Variants in PTK2B observed in about 807,000 individuals in gnomAD.
PTK2B encodes protein tyrosine kinase 2 beta.
In PTK2B, 71 loss-of-function variants were observed where a neutral mutation model predicts 142.9. The observed-to-expected ratio is 0.50, with a 90% CI of 0.41 to 0.61. The LOEUF (loss-of-function observed/expected upper bound fraction) is 0.61, where lower values mean the gene tolerates loss of function less well. Among genes scored for constraint, PTK2B ranks in the 20% least tolerant of loss-of-function variants. The pLI, the probability that PTK2B is intolerant of heterozygous loss-of-function variation, is 0.00. For missense variants in PTK2B, 1,105 were observed against 1,320.4 expected, an observed-to-expected ratio of 0.84 and a Z score of 2.53; for synonymous variants, 519 against 503.4, an observed-to-expected ratio of 1.03 and a Z score of -0.42.
chr8:27,313,126 TAGTG>T (rs1212711757), intron 2 of PTK2B: 3 of 152,240 alleles, frequency 2.0e-5, no homozygotes, highest in African/African-American at 4.8e-5. Context: ...GTTCTCCTGA[TAGTG>T]AGTGAGTTCT....
At chr8:27,326,298 C>T (rs1051135535) in intron 1 of PTK2B, among the ~76,000 whole-genome samples, 1 of 151,816 alleles carries the variant, frequency 6.6e-6, no homozygotes, top group Non-Finnish European at 1.5e-5. Context: ...TGAGAAGCCG[C>T]CTCCTGAGTG....
intron 2 of PTK2B, among the ~76,000 whole-genome samples, chr8:27,407,444 G>A (rs1034392050): frequency 1.9e-4 from 29 of 152,190 alleles, no homozygotes; most frequent in African/African-American, 7.0e-4. Flanking sequence ...CGGATCAGCC[G>A]TGGTCATGAC....
At chr8:27,447,441 A>G (rs1039442962) in intron 24 of PTK2B, among the ~76,000 whole-genome samples, 1 of 152,258 alleles carries the variant, frequency 6.6e-6, no homozygotes, top group Admixed American at 6.5e-5. Context: ...GTGTTCCCAG[A>G]AAAACAGTTT....
At chr8:27,444,560 T>C (rs1470614735) in intron 23 of PTK2B, among the ~76,000 whole-genome samples, 1 of 152,148 alleles carries the variant, frequency 6.6e-6, no homozygotes, top group Non-Finnish European at 1.5e-5. Context: ...ATCTAAGGCC[T>C]CCCTGGCCTC....
intron 1 of PTK2B, among the ~76,000 whole-genome samples, chr8:27,352,858 C>G (rs1482788726): frequency 5.3e-5 from 8 of 152,186 alleles, no homozygotes; most frequent in Non-Finnish European, 1.0e-4. Flanking sequence ...CAATTAAACC[C>G]CTTTCTTTTG....
At chr8:27,331,288 C>G (rs146896906) in intron 1 of PTK2B, among the ~76,000 whole-genome samples, 1 of 152,146 alleles carries the variant, frequency 6.6e-6, no homozygotes, top group Non-Finnish European at 1.5e-5. Context: ...CCCCCACAAG[C>G]CATAGCAGTC....
At chr8:27,338,574 T>C (rs547746805) in intron 1 of PTK2B, among the ~76,000 whole-genome samples, 3 of 152,172 alleles carry the variant, frequency 2.0e-5, no homozygotes, top group East Asian at 3.9e-4. Flanking sequence ...AAAAGAAAAA[T>C]TGCTGAATCT....
intron 1 of PTK2B, among the ~76,000 whole-genome samples, chr8:27,381,113 A>G (rs1806991768): frequency 6.6e-6 from 1 of 152,242 alleles, no homozygotes; most frequent in African/African-American, 2.4e-5. Context: ...ATATTTGAAT[A>G]CATGTATACT....
chr8:27,430,180 C>G (rs1810320750), intron 6 of PTK2B, 25 bp downstream of exon 6: 1 of 1,601,842 alleles, frequency 6.2e-7, no homozygotes. Flanking sequence ...CACCCATCTC[C>G]CCTCCCTTCC....
intron 20 of PTK2B, among the ~76,000 whole-genome samples, chr8:27,439,632 C>G (rs371058108): frequency 2.2e-4 from 34 of 152,130 alleles, no homozygotes; most frequent in African/African-American, 8.0e-4. Context: ...CTGGAAGAGG[C>G]TCTTGTGACA....
chr8:27,443,041 C>A, intron 22 of PTK2B, 58 bp downstream of exon 22: 1 of 1,301,798 alleles, frequency 7.7e-7, no homozygotes, highest in Non-Finnish European at 1.1e-6. Context: ...AGGTCCCTGT[C>A]TGATCCATGT....
intron 2 of PTK2B, among the ~76,000 whole-genome samples, chr8:27,401,098 C>A (rs1808357544): frequency 6.6e-6 from 1 of 151,988 alleles, no homozygotes; most frequent in Non-Finnish European, 1.5e-5. Flanking sequence ...GAGATCGTGC[C>A]ATTGCACTCC....
chr8:27,350,510 C>A (rs1804981173), intron 1 of PTK2B, among the ~76,000 whole-genome samples: 2 of 152,108 alleles, frequency 1.3e-5, no homozygotes, highest in African/African-American at 2.4e-5. Context: ...GGGGTGCAAC[C>A]CCACTCAGGG....
intron 5 of PTK2B, among the ~76,000 whole-genome samples, chr8:27,428,689 A>C (rs981915426): frequency 6.6e-6 from 1 of 151,724 alleles, no homozygotes; most frequent in Admixed American, 6.6e-5. Flanking sequence ...AGCACCACCA[A>C]CCCCCTACTC....
chr8:27,419,827 C>T, intron 2 of PTK2B, 68 bp from the exon 3 acceptor site: 1 of 1,537,442 alleles, frequency 6.5e-7, no homozygotes, highest in Non-Finnish European at 8.9e-7. Context: ...CTTTTCAGGT[C>T]TGTGTGAGAA....
At chr8:27,433,948 C>T (rs1254041654) in intron 11 of PTK2B, 145 bp from the exon 12 acceptor site, 3 of 1,126,938 alleles carry the variant, frequency 2.7e-6, no homozygotes, top group East Asian at 2.4e-5. Flanking sequence ...TGGCCCAAGG[C>T]CTCACTAGCT....
chr8:27,438,174 C>A (rs1810913216), intron 18 of PTK2B, among the ~76,000 whole-genome samples: 1 of 152,208 alleles, frequency 6.6e-6, no homozygotes, highest in African/African-American at 2.4e-5. Flanking sequence ...AAATCGCCCC[C>A]AACCTTGCTC....
At chr8:27,348,537 G>A (rs1440146045) in intron 1 of PTK2B, among the ~76,000 whole-genome samples, 1 of 152,094 alleles carries the variant, frequency 6.6e-6, no homozygotes, top group Admixed American at 6.5e-5. Flanking sequence ...AAGTGCGATC[G>A]CACCTCCCAG....
chr8:27,425,150 C>A (rs1416802324), intron 5 of PTK2B, among the ~76,000 whole-genome samples: 2 of 151,216 alleles, frequency 1.3e-5, no homozygotes, highest in Non-Finnish European at 2.9e-5. Flanking sequence ...CATATATATG[C>A]TACTATATAA....
Sources: gnomAD v4.1 joint callset for allele counts (sites outside exome capture counted in the v4.1 genomes callset) on GRCh38, gnomAD v4.1.1 for gene constraint, MANE v1.5 for transcripts, NCBI Gene and HGNC (gene_info 2026-07-23, HGNC 2026-07-21) for gene names.